The following TMEM71 variants were observed in gnomAD, a reference collection of about 807,000 sequenced individuals.
TMEM71 encodes the protein transmembrane protein 71.
A neutral mutation model predicts 38.0 loss-of-function variants in TMEM71; 44 were observed. The ratio of observed to expected loss-of-function variants is 1.16; its 90% confidence interval spans 0.91 to 1.49. The LOEUF (loss-of-function observed/expected upper bound fraction) is 1.49. Ranked by LOEUF, TMEM71 falls within the 40% of genes most tolerant of loss-of-function variation. TMEM71 has a pLI of 0.00. For synonymous variants in TMEM71, 133 were observed against 122.5 expected (o/e 1.09, Z -0.56); for missense variants, 367 against 348.6 (o/e 1.05, Z -0.42).
At chr8:132,773,187 C>T in the TMEM71 span, among the ~76,000 whole-genome samples, 1 of 152,158 alleles carries the variant, frequency 6.6e-6, no homozygotes, top group African/African-American at 2.4e-5. Flanking sequence ...TATCTAGCAG[C>T]CCTGGTCCCT....
At chr8:132,752,120 C>T in intron 3 of TMEM71, 123 bp from the exon 4 acceptor site, 1 of 778,006 alleles carries the variant, frequency 1.3e-6, no homozygotes, top group Non-Finnish European at 2.1e-6. Flanking sequence ...ATTACTTCTG[C>T]AACCATTAGG....
Position 132,757,222 on chromosome 8 carries a change from C to A in TMEM71, c.101+12G>T. The A allele has an allele frequency of 6.2e-7, 1 of 1,601,570 alleles. No individual in the cohort carries two copies. The highest frequency in any genetic ancestry group is 8.5e-7 in the Non-Finnish European group (1 of 1,170,420). On this transcript the variant is annotated intron_variant, in intron 3 of 9. Coordinates refer to ENST00000677595, the MANE Select transcript of TMEM71 (RefSeq NM_001382403.1). ...GAATGATTATTTTTTTAAAAGAAGC[C>A]CCATAGTATACCTTGGGAAAATGCA...
At chr8:132,714,907 T>C (rs1046175319) in intron 7 of TMEM71, among the ~76,000 whole-genome samples, 1 of 152,056 alleles carries the variant, frequency 6.6e-6, no homozygotes, top group Non-Finnish European at 1.5e-5. Flanking sequence ...GCAAAAGATC[T>C]GAACAGACAC....
chr8:132,756,441 A>G (rs1829023436), intron 3 of TMEM71, among the ~76,000 whole-genome samples: 1 of 137,956 alleles, frequency 7.2e-6, no homozygotes, highest in African/African-American at 2.6e-5. Flanking sequence ...ATATATATAT[A>G]TTCATTATTC....
upstream of TMEM71, among the ~76,000 whole-genome samples, chr8:132,764,872 C>T (rs530658723): frequency 2.4e-4 from 36 of 152,316 alleles, no homozygotes; most frequent in South Asian, 5.4e-3. Context: ...TTTGCTATTA[C>T]GGTTTCTATC....
chr8:132,764,878 CT>C (rs555358903), upstream of TMEM71, among the ~76,000 whole-genome samples: 118 of 152,314 alleles, frequency 7.7e-4, no homozygotes, highest in Admixed American at 3.7e-3. Context: ...ATTACGGTTT[CT>C]ATCATTATCA....
intron 6 of TMEM71, among the ~76,000 whole-genome samples, chr8:132,726,888 C>G (rs1827173962): frequency 6.6e-6 from 1 of 151,032 alleles, no homozygotes; most frequent in Non-Finnish European, 1.5e-5. Flanking sequence ...CTCTGTCACC[C>G]AGGCTGGAAT....
At chr8:132,736,658 C>G (rs1214225227) in intron 5 of TMEM71, among the ~76,000 whole-genome samples, 1 of 151,834 alleles carries the variant, frequency 6.6e-6, no homozygotes, top group Non-Finnish European at 1.5e-5. Flanking sequence ...GGTGAAACCC[C>G]ATCTCAACTG....
rs777403058 is a variant in TMEM71, at chr8:132,727,847, G to T, written c.627C>A (p.Ser209=). 6.8e-6 allele frequency: 11 copies of T among 1,613,920 alleles called. No homozygotes were observed. In the South Asian group the frequency reaches 1.2e-4, roughly 18 times the overall value. ...GGNSHSLSLQ[S]QLTASERFQE... ...GGAAACGTTCAGAAGCTGTCAACTG[G>T]GACTGAAGAGACAAGCTATGGGAGT... The change falls in exon 6 of 10, where the codon TCC becomes TCA. Residue 209 remains serine (S), a synonymous_variant. Transcript: ENST00000677595.
intron 2 of TMEM71, 130 bp downstream of exon 2, chr8:132,758,687 ATCATTGCCAAAGTGAACACTGGC>A: frequency 1.6e-6 from 1 of 642,220 alleles, no homozygotes. Context: ...TGAAGTTAAA[ATCATTGCCAAAGTGAACACTGGC>A]ATTTAAGAAG....
chr8:132,747,217 A>G (rs1472879413), intron 4 of TMEM71, 103 bp from the exon 5 acceptor site: 10 of 1,003,850 alleles, frequency 1.0e-5, no homozygotes, highest in African/African-American at 1.7e-5. Context: ...AAGTCTGCTC[A>G]CTGCATTAAT....
At chr8:132,715,107 T>A (rs1286951178) in intron 7 of TMEM71, among the ~76,000 whole-genome samples, 1 of 151,750 alleles carries the variant, frequency 6.6e-6, no homozygotes. Flanking sequence ...TTCATTGCAG[T>A]TAAGAATGAA....
upstream of TMEM71, among the ~76,000 whole-genome samples, chr8:132,764,445 A>C (rs1829339257): frequency 1.3e-5 from 2 of 152,056 alleles, no homozygotes; most frequent in South Asian, 4.1e-4. Flanking sequence ...CCCCTGATTA[A>C]ATTCATCAGT....
chr8:132,707,212 G>A (rs185727516), downstream of TMEM71, among the ~76,000 whole-genome samples: 483 of 152,204 alleles, frequency 3.2e-3, 2 homozygotes, highest in Middle Eastern at 0.017. Context: ...ATTTAGAAAC[G>A]TAATTGGTAA....
At chr8:132,769,093 C>A in the TMEM71 span, among the ~76,000 whole-genome samples, 1 of 152,164 alleles carries the variant, frequency 6.6e-6, no homozygotes, top group African/African-American at 2.4e-5. Flanking sequence ...GTTCAATAAA[C>A]GCATGTGGAA....
At chr8:132,711,935 G>C (rs1004222471) in intron 9 of TMEM71, among the ~76,000 whole-genome samples, 1 of 151,924 alleles carries the variant, frequency 6.6e-6, no homozygotes, top group African/African-American at 2.4e-5. Context: ...AGTCATTCTT[G>C]ATTCTCGATA....
chr8:132,754,052 G>T (rs1239611837), intron 3 of TMEM71, among the ~76,000 whole-genome samples: 1 of 152,022 alleles, frequency 6.6e-6, no homozygotes, highest in Non-Finnish European at 1.5e-5. Flanking sequence ...TAGTTTGATG[G>T]CTTTTCTCTG....
chr8:132,710,500 GTTA>G lies in TMEM71; in HGVS notation c.*464_*466del, dbSNP rs1214034598. ...ATTTTATGTACAAATTGCATTTATT[GTTA>G]TTCAAGTTGTCAGGTTGGTATTAGT... On this transcript the variant is annotated 3_prime_UTR_variant, in exon 10 of 10. Coordinates refer to ENST00000677595, the MANE Select transcript of TMEM71 (RefSeq NM_001382403.1). 4.3e-6 allele frequency: 1 copy of G among 232,540 alleles called. No homozygotes were observed. Among genetic ancestry groups the G allele is most frequent in the African/African-American group, 2.3e-5 (1 of 44,292 alleles). 14.4% of individuals were successfully genotyped at this position (232,540 alleles called of 1,614,324 possible).
chr8:132,717,918 G>A (rs1485782609), intron 7 of TMEM71, among the ~76,000 whole-genome samples: 5 of 152,192 alleles, frequency 3.3e-5, no homozygotes, highest in African/African-American at 9.7e-5. Flanking sequence ...CCATAGAAAA[G>A]GATGAAGTAC....
Sources: allele counts gnomAD v4.1 joint callset (sites outside exome capture counted in the v4.1 genomes callset), GRCh38; gene constraint gnomAD v4.1.1; transcripts MANE v1.5; gene names NCBI Gene and HGNC (gene_info 2026-07-23, HGNC 2026-07-21).